KCNK9: variants seen among roughly 807,000 people sequenced by gnomAD.
The protein encoded by KCNK9 is potassium two pore domain channel subfamily K member 9, also known as potassium channel subfamily K member 9.
Under a neutral mutation model 10.8 loss-of-function variants are expected in KCNK9, and 1 was observed. The observed-to-expected ratio is 0.09, with a 90% CI of 0.03 to 0.44. The LOEUF is 0.44. Ranked by LOEUF, KCNK9 falls within the 20% of genes least tolerant of loss-of-function variation. KCNK9 has a pLI of 0.97. For synonymous variants in KCNK9, 231 were observed against 222.7 expected (o/e 1.04, Z -0.33); for missense variants, 303 against 515.0 (o/e 0.59, Z 3.98).
intron 1 of KCNK9, among the ~76,000 whole-genome samples, chr8:139,663,314 G>T (rs775536835): frequency 6.0e-4 from 91 of 152,170 alleles, no homozygotes; most frequent in Non-Finnish European, 1.1e-3. Context: ...AGGTCAGCGC[G>T]AGGCCAACAC....
intron 1 of KCNK9, among the ~76,000 whole-genome samples, chr8:139,628,177 G>A (rs911898912): frequency 1.3e-5 from 2 of 152,100 alleles, no homozygotes; most frequent in East Asian, 3.9e-4. Context: ...AGAGTGAGGC[G>A]AGTGGGGGTC....
chr8:139,630,262 A>C lies in KCNK9; in HGVS notation c.284-11163T>G, dbSNP rs374317586. ...TTATTTTTAATGCTTCTAAGCTTTA[A>C]AACTCTTAAGCTGAGCCTCAGAGGA... On this transcript the variant is annotated intron_variant, in intron 1 of 1. Coordinates refer to ENST00000520439, the MANE Select transcript of KCNK9 (RefSeq NM_001282534.2). Among the ~76,000 whole-genome samples, 8 of 152,300 alleles carry C rather than the reference A, an allele frequency of 5.3e-5. No homozygotes were observed. The East Asian group carries it at 1.2e-3, about 22-fold the overall frequency.
intron 1 of KCNK9, among the ~76,000 whole-genome samples, chr8:139,627,405 G>A (rs2130126175): frequency 6.6e-6 from 1 of 152,332 alleles, no homozygotes; most frequent in South Asian, 2.1e-4. Flanking sequence ...TCAGGGTTTG[G>A]GGCTTGACTG....
intron 1 of KCNK9, among the ~76,000 whole-genome samples, chr8:139,623,681 G>A (rs1814867186): frequency 6.6e-6 from 1 of 152,120 alleles, no homozygotes; most frequent in African/African-American, 2.4e-5. Context: ...AGGCACTACA[G>A]GGTGGTGACC....
chr8:139,627,862 GA>G (rs1815027158), intron 1 of KCNK9, among the ~76,000 whole-genome samples: 1 of 152,254 alleles, frequency 6.6e-6, no homozygotes, highest in East Asian at 1.9e-4. Flanking sequence ...ACAGGGCTGT[GA>G]GCAGGGAATG....
At chr8:139,654,097 T>C in intron 1 of KCNK9, among the ~76,000 whole-genome samples, 1 of 152,204 alleles carries the variant, frequency 6.6e-6, no homozygotes, top group Non-Finnish European at 1.5e-5. Flanking sequence ...GAACAGAGCT[T>C]TCCAGTTAGG....
chr8:139,622,806 T>C (rs543535006), intron 1 of KCNK9, among the ~76,000 whole-genome samples: 1 of 152,230 alleles, frequency 6.6e-6, no homozygotes, highest in South Asian at 2.1e-4. Flanking sequence ...TAAGTCCACA[T>C]GTCAGATGTT....
chr8:139,678,131 G>A (rs1816605592), intron 1 of KCNK9, among the ~76,000 whole-genome samples: 1 of 152,232 alleles, frequency 6.6e-6, no homozygotes, highest in Non-Finnish European at 1.5e-5. Flanking sequence ...GGCCCTGGAG[G>A]TGACTGGACT....
chr8:139,609,238 G>GC (rs1334845811), downstream of KCNK9, among the ~76,000 whole-genome samples: 332 of 93,616 alleles, frequency 3.5e-3, no homozygotes, highest in East Asian at 6.2e-3. Flanking sequence ...GGGGTGCTCT[G>GC]CCCCCCCACC....
At chr8:139,686,981 A>G (rs1324445481) in intron 1 of KCNK9, among the ~76,000 whole-genome samples, 1 of 152,178 alleles carries the variant, frequency 6.6e-6, no homozygotes. Context: ...GCATGAAGGG[A>G]GGAAAAAAAT....
intron 1 of KCNK9, among the ~76,000 whole-genome samples, chr8:139,655,770 G>A (rs747356254): frequency 1.2e-3 from 182 of 152,286 alleles, no homozygotes; most frequent in African/African-American, 3.7e-3. Flanking sequence ...AATCAGAGCC[G>A]GAGGAAGAAA....
At chr8:139,602,243 T>G (rs1024022345) in intron 2 of KCNK9, among the ~76,000 whole-genome samples, 2 of 152,208 alleles carry the variant, frequency 1.3e-5, no homozygotes, top group Admixed American at 1.3e-4. Context: ...TGGGAGGGGC[T>G]GCTGCACAGC....
At chr8:139,632,937 C>A (rs555717269) in intron 1 of KCNK9, among the ~76,000 whole-genome samples, 42 of 152,314 alleles carry the variant, frequency 2.8e-4, no homozygotes, top group African/African-American at 9.6e-4. Context: ...CAAAGACGTA[C>A]AGACAGGCCC....
At chr8:139,614,013 T>C (rs1441662463), downstream of KCNK9, among the ~76,000 whole-genome samples, 1 of 152,132 alleles carries the variant, frequency 6.6e-6, no homozygotes, top group African/African-American at 2.4e-5. Flanking sequence ...CAAAAAGAAA[T>C]GGAGCCATAA....
At chr8:139,698,849 T>C (rs1817128354) in intron 1 of KCNK9, among the ~76,000 whole-genome samples, 1 of 152,138 alleles carries the variant, frequency 6.6e-6, no homozygotes. Flanking sequence ...AAAAGGAAGC[T>C]ATCTCAAGGC....
chr8:139,666,311 G>C (rs1020113257), intron 1 of KCNK9, among the ~76,000 whole-genome samples: 2 of 152,232 alleles, frequency 1.3e-5, no homozygotes, highest in African/African-American at 4.8e-5. Context: ...GGGTGGGTAA[G>C]ACAATATGCA....
intron 1 of KCNK9, among the ~76,000 whole-genome samples, chr8:139,667,522 C>G (rs977345265): frequency 8.0e-5 from 12 of 150,858 alleles, no homozygotes; most frequent in African/African-American, 2.9e-4. Context: ...ACGGTGAAAC[C>G]CCACCTCTAC....
chr8:139,643,359 G>C (rs562048767), intron 1 of KCNK9, among the ~76,000 whole-genome samples: 1 of 152,226 alleles, frequency 6.6e-6, no homozygotes, highest in Non-Finnish European at 1.5e-5. Flanking sequence ...GGACTGGGGG[G>C]TTCCAGGTGG....
At chr8:139,621,033 A>T (rs2447348) in intron 1 of KCNK9, among the ~76,000 whole-genome samples, 45,714 of 152,066 alleles carry the variant, frequency 0.3, 7,917 homozygotes, top group East Asian at 0.54. Flanking sequence ...CTGTAATCCC[A>T]GCACTTTGGG....
Sources: allele counts gnomAD v4.1 joint callset (sites outside exome capture counted in the v4.1 genomes callset), GRCh38; gene constraint gnomAD v4.1.1; transcripts MANE v1.5; gene names NCBI Gene and HGNC (gene_info 2026-07-23, HGNC 2026-07-21).